The following HDAC9 variants were observed in gnomAD, a reference collection of about 807,000 sequenced individuals.
HDAC9 encodes the protein MEF-2 interacting transcription repressor (MITR) protein.
Under a neutral mutation model 139.4 loss-of-function variants are expected in HDAC9, and 41 were observed. The observed-to-expected ratio is 0.29, with a 90% CI of 0.23 to 0.38. The LOEUF is 0.38. HDAC9 is among the 10% of genes least tolerant of loss of function. HDAC9 has a pLI of 1.00. For synonymous variants in HDAC9, 517 were observed against 476.2 expected (o/e 1.09, Z -1.12); for missense variants, 1,147 against 1,297.0 (o/e 0.88, Z 1.78).
intron 12 of HDAC9, among the ~76,000 whole-genome samples, chr7:18,725,497 A>G (rs1028029588): frequency 4.6e-5 from 7 of 152,156 alleles, no homozygotes; most frequent in African/African-American, 9.7e-5. Flanking sequence ...TTTTGTGTTA[A>G]TGTCTTGCTT....
At chr7:18,263,145 G>T (rs540619213) in intron 2 of HDAC9, among the ~76,000 whole-genome samples, 124 of 152,238 alleles carry the variant, frequency 8.1e-4, no homozygotes, top group African/African-American at 2.8e-3. Context: ...ATTAGTAAAA[G>T]AATGTAGAAA....
intron 1 of HDAC9, among the ~76,000 whole-genome samples, chr7:18,401,266 T>A (rs532563809): frequency 2.0e-5 from 3 of 152,270 alleles, no homozygotes; most frequent in Admixed American, 2.0e-4. Flanking sequence ...GAAAAACTTA[T>A]ACTCAAGGAA....
chr7:18,659,822 A>G (rs1792558857), intron 11 of HDAC9, among the ~76,000 whole-genome samples: 1 of 152,118 alleles, frequency 6.6e-6, no homozygotes, highest in African/African-American at 2.4e-5. Flanking sequence ...TATCTGTCCC[A>G]CAGATGTTTC....
At chr7:18,439,196 A>G (rs936276632) in intron 1 of HDAC9, among the ~76,000 whole-genome samples, 2 of 152,204 alleles carry the variant, frequency 1.3e-5, no homozygotes, top group African/African-American at 4.8e-5. Context: ...TGCCACATGT[A>G]GGAGTTTTCA....
chr7:18,371,206 A>G (rs185886356), intron 1 of HDAC9, among the ~76,000 whole-genome samples: 359 of 152,282 alleles, frequency 2.4e-3, no homozygotes, highest in Non-Finnish European at 3.7e-3. Context: ...ATGGATTTCA[A>G]TTTAACGATA....
chr7:18,095,751 A>G (rs1782464203), intron 1 of HDAC9, among the ~76,000 whole-genome samples: 1 of 152,244 alleles, frequency 6.6e-6, no homozygotes, highest in Admixed American at 6.5e-5. Flanking sequence ...AATGTTGAAT[A>G]TAAACAACAG....
intron 1 of HDAC9, among the ~76,000 whole-genome samples, chr7:18,304,874 T>C (rs1264330796): frequency 6.6e-6 from 1 of 152,154 alleles, no homozygotes; most frequent in Non-Finnish European, 1.5e-5. Flanking sequence ...AAATGATCCA[T>C]GCTGCCCTGG....
intron 2 of HDAC9, among the ~76,000 whole-genome samples, chr7:18,246,789 G>A (rs1794568987): frequency 6.6e-6 from 1 of 152,170 alleles, no homozygotes; most frequent in African/African-American, 2.4e-5. Flanking sequence ...GGTCGTATGT[G>A]TGAGACAGGG....
At chr7:18,791,713 C>A (rs1196723785) in intron 16 of HDAC9, among the ~76,000 whole-genome samples, 2 of 152,068 alleles carry the variant, frequency 1.3e-5, no homozygotes, top group African/African-American at 4.8e-5. Flanking sequence ...GTGTGAGAGT[C>A]CCGTGGTCTT....
At chr7:18,710,368 T>C (rs1281085896) in intron 12 of HDAC9, among the ~76,000 whole-genome samples, 1 of 152,246 alleles carries the variant, frequency 6.6e-6, no homozygotes, top group Non-Finnish European at 1.5e-5. Context: ...GTTACATTTA[T>C]ATTGGTTTAA....
chr7:18,437,302 G>T (rs1161118465), intron 1 of HDAC9, among the ~76,000 whole-genome samples: 1 of 152,024 alleles, frequency 6.6e-6, no homozygotes, highest in African/African-American at 2.4e-5. Flanking sequence ...TTTTGTTACT[G>T]TAGTTTGTTT....
chr7:18,961,539 G>A (rs527863366), intron 24 of HDAC9, among the ~76,000 whole-genome samples: 1 of 152,152 alleles, frequency 6.6e-6, no homozygotes, highest in Non-Finnish European at 1.5e-5. Flanking sequence ...TTGGGGAGAA[G>A]GCAGTATCCT....
At chr7:18,282,652 C>G (rs1797173739) in intron 2 of HDAC9, among the ~76,000 whole-genome samples, 1 of 152,110 alleles carries the variant, frequency 6.6e-6, no homozygotes, top group Non-Finnish European at 1.5e-5. Flanking sequence ...CCCATGTATT[C>G]CATGAGGCAA....
intron 17 of HDAC9, among the ~76,000 whole-genome samples, chr7:18,809,260 C>G (rs1431599569): frequency 6.6e-6 from 1 of 151,966 alleles, no homozygotes; most frequent in Non-Finnish European, 1.5e-5. Flanking sequence ...TAGGGAAACC[C>G]TCCTTAACAG....
chr7:18,112,710 T>G (rs1402237762), intron 1 of HDAC9, among the ~76,000 whole-genome samples: 1 of 152,178 alleles, frequency 6.6e-6, no homozygotes, highest in Non-Finnish European at 1.5e-5. Flanking sequence ...TTTAGTACAA[T>G]TTATAATGAA....
intron 22 of HDAC9, among the ~76,000 whole-genome samples, chr7:18,932,500 AC>A (rs1804831881): frequency 6.6e-6 from 1 of 152,112 alleles, no homozygotes; most frequent in South Asian, 2.1e-4. Context: ...GTTGTTGACT[AC>A]CCTGGGGGCA....
intron 1 of HDAC9, among the ~76,000 whole-genome samples, chr7:18,406,616 C>T (rs1414840606): frequency 6.6e-6 from 1 of 152,144 alleles, no homozygotes; most frequent in Admixed American, 6.5e-5. Flanking sequence ...GTCTCAATCT[C>T]CTGACCTCGT....
At chr7:18,553,803 G>A (rs1350648086) in intron 2 of HDAC9, among the ~76,000 whole-genome samples, 1 of 152,174 alleles carries the variant, frequency 6.6e-6, no homozygotes, top group African/African-American at 2.4e-5. Flanking sequence ...CTTATGTTCT[G>A]GTAATGCCCC....
chr7:18,590,632 A>C, intron 4 of HDAC9, 146 bp downstream of exon 4: 2 of 818,226 alleles, frequency 2.4e-6, no homozygotes, highest in South Asian at 4.6e-5. Context: ...CCCAACTGTA[A>C]AGTTTTGACA....
Sources: gnomAD v4.1 joint callset for allele counts (sites outside exome capture counted in the v4.1 genomes callset) on GRCh38, gnomAD v4.1.1 for gene constraint, MANE v1.5 for transcripts, NCBI Gene and HGNC (gene_info 2026-07-23, HGNC 2026-07-21) for gene names.